The following PHACTR1 variants were observed in gnomAD, a reference collection of about 807,000 sequenced individuals.
PHACTR1 encodes the protein RPEL repeat containing 1.
PHACTR1 carries 16 observed loss-of-function variants against 69.2 expected under a neutral mutation model. The ratio of observed to expected loss-of-function variants is 0.23; its 90% CI spans 0.16 to 0.35. PHACTR1 has a LOEUF of 0.35. Among genes scored for constraint, PHACTR1 ranks in the 10% least tolerant of loss-of-function variants. The pLI is 1.00. For synonymous variants in PHACTR1, 312 were observed against 284.5 expected, an observed-to-expected ratio of 1.10 and a Z score of -0.97; for missense variants, 510 against 734.7, an observed-to-expected ratio of 0.69 and a Z score of 3.54.
intron 4 of PHACTR1, among the ~76,000 whole-genome samples, chr6:12,892,455 A>G (rs1157086247): frequency 6.6e-6 from 1 of 152,218 alleles, no homozygotes; most frequent in Non-Finnish European, 1.5e-5. Flanking sequence ...AAGTGATGAA[A>G]CATACGCTCC....
At chr6:12,755,237 G>A (rs1767176255) in intron 4 of PHACTR1, among the ~76,000 whole-genome samples, 1 of 152,098 alleles carries the variant, frequency 6.6e-6, no homozygotes, top group African/African-American at 2.4e-5. Context: ...AAATCCCACA[G>A]AGGCGTGTTT....
At position 13,206,270 on chromosome 6, in the gene PHACTR1, T is replaced by C. The variant is rs12662349; in HGVS notation, c.986+134T>C. The C allele has an allele frequency of 3.0e-4, 304 of 1,000,928 alleles. 1 individual carries two copies. In the East Asian group the frequency reaches 8.0e-3, roughly 26 times the overall value. The allele number at this position is 1,000,928 out of a possible 1,614,324, so 62.0% of individuals were successfully genotyped here. A position where few individuals can be genotyped will look rare whatever the true frequency, so the allele number is the denominator to read the frequency against. On this transcript the variant is annotated intron_variant, in intron 8 of 14. Coordinates refer to ENST00000332995, the MANE Select transcript of PHACTR1 (RefSeq NM_030948.6). ...TGGGGGAAAATGTTTGAAAGTAAAA[T>C]GAGACAAAAAACTGAAGGTCAAAGC...
At chr6:12,733,174 A>G (rs1184163910) in intron 3 of PHACTR1, among the ~76,000 whole-genome samples, 1 of 152,022 alleles carries the variant, frequency 6.6e-6, no homozygotes, top group Non-Finnish European at 1.5e-5. Context: ...TTCATTTAAC[A>G]GGATATTTGT....
chr6:13,177,342 T>C (rs1005671092), intron 6 of PHACTR1, among the ~76,000 whole-genome samples: 3 of 150,390 alleles, frequency 2.0e-5, no homozygotes, highest in Non-Finnish European at 4.4e-5. Context: ...ACTCTCTGTC[T>C]GTCTGTCTGT....
chr6:13,004,469 T>G (rs1217033482), intron 4 of PHACTR1, among the ~76,000 whole-genome samples: 1 of 152,196 alleles, frequency 6.6e-6, no homozygotes, highest in Non-Finnish European at 1.5e-5. Context: ...TTTAATGGGC[T>G]TATTTGTATT....
At chr6:12,966,030 A>ATT (rs1793443693) in intron 4 of PHACTR1, among the ~76,000 whole-genome samples, 1 of 152,144 alleles carries the variant, frequency 6.6e-6, no homozygotes, top group African/African-American at 2.4e-5. Flanking sequence ...AGTATAAATG[A>ATT]TTGAGGGAGT....
intron 8 of PHACTR1, among the ~76,000 whole-genome samples, chr6:13,219,693 A>G (rs1015975058): frequency 3.3e-5 from 5 of 152,150 alleles, no homozygotes; most frequent in Non-Finnish European, 4.4e-5. Context: ...GTGTTCCATA[A>G]TAGCGCTCAT....
rs115635223 is a variant in PHACTR1 at position 12,839,368 on chromosome 6, A to G, written c.250+89578A>G. On this transcript the variant is annotated intron_variant, in intron 4 of 14. Transcript: ENST00000332995. ...CCACCCAGGCATCAAGCAAGCTATCATTCCTTCCCTTCAAGTCAGTCAGCA... is the reference window on the plus strand; with the variant it reads ...CCACCCAGGCATCAAGCAAGCTATCGTTCCTTCCCTTCAAGTCAGTCAGCA... Among the ~76,000 whole-genome samples, 1,064 of 152,220 alleles carry G rather than the reference A, an allele frequency of 7.0e-3. 17 individuals carry two copies. The highest frequency in any genetic ancestry group is 0.024 in the African/African-American group (1,014 of 41,516).
chr6:12,852,599 A>G (rs1779943325), intron 4 of PHACTR1, among the ~76,000 whole-genome samples: 1 of 152,110 alleles, frequency 6.6e-6, no homozygotes, highest in Non-Finnish European at 1.5e-5. Context: ...ATTTACTGAT[A>G]TATTTCTAGG....
chr6:12,854,990 A>C (rs1268436523), intron 4 of PHACTR1, among the ~76,000 whole-genome samples: 1 of 152,224 alleles, frequency 6.6e-6, no homozygotes, highest in Non-Finnish European at 1.5e-5. Context: ...TTCTCAAACA[A>C]CTAAAAATAC....
intron 4 of PHACTR1, among the ~76,000 whole-genome samples, chr6:12,891,815 C>A (rs924918578): frequency 6.6e-6 from 1 of 152,136 alleles, no homozygotes; most frequent in African/African-American, 2.4e-5. Context: ...GAGATCAAAC[C>A]AGCCTTGAAT....
chr6:12,873,455 T>TTA (rs1243263388), intron 4 of PHACTR1, among the ~76,000 whole-genome samples: 8 of 151,804 alleles, frequency 5.3e-5, no homozygotes, highest in Admixed American at 1.3e-4. Context: ...CTCAAGGACA[T>TTA]TATAGTGGGA....
intron 5 of PHACTR1, among the ~76,000 whole-genome samples, chr6:13,074,355 A>G (rs1810065748): frequency 6.6e-6 from 1 of 152,232 alleles, no homozygotes; most frequent in Non-Finnish European, 1.5e-5. Flanking sequence ...TAAGAAATCG[A>G]TAACGACACT....
intron 4 of PHACTR1, among the ~76,000 whole-genome samples, chr6:13,029,965 G>C (rs1802225336): frequency 6.6e-6 from 1 of 152,224 alleles, no homozygotes; most frequent in Non-Finnish European, 1.5e-5. Context: ...GACCTTCTCA[G>C]ACTAAGCCTC....
chr6:12,961,985 G>T (rs1490339295), intron 4 of PHACTR1, among the ~76,000 whole-genome samples: 1 of 152,180 alleles, frequency 6.6e-6, no homozygotes, highest in African/African-American at 2.4e-5. Flanking sequence ...TTTGGGTGCA[G>T]TGGTGTGATC....
At chr6:12,976,307 C>T (rs747699061) in intron 4 of PHACTR1, among the ~76,000 whole-genome samples, 3 of 152,136 alleles carry the variant, frequency 2.0e-5, no homozygotes, top group East Asian at 1.9e-4. Context: ...ACAGGTAAAA[C>T]GTGAGTCTTT....
intron 5 of PHACTR1, among the ~76,000 whole-genome samples, chr6:13,074,076 T>G (rs2127780519): frequency 6.6e-6 from 1 of 152,248 alleles, no homozygotes; most frequent in South Asian, 2.1e-4. Flanking sequence ...TTTCACCATG[T>G]TGGTCAGGCT....
intron 4 of PHACTR1, among the ~76,000 whole-genome samples, chr6:12,808,411 C>T (rs563267942): frequency 6.6e-6 from 1 of 152,162 alleles, no homozygotes; most frequent in Admixed American, 6.5e-5. Context: ...ACAAATCCAC[C>T]CATAAAAATT....
rs1035289123 is a variant in PHACTR1 at position 13,273,167 on chromosome 6, G to A, written c.1447+252G>A. 1.3e-5 allele frequency: 6 copies of A among 475,064 alleles called. No homozygotes were observed. The Admixed American group carries it at 2.3e-4, about 18-fold the overall frequency. The allele number at this position is 475,064 out of a possible 1,614,324, so 29.4% of individuals were successfully genotyped here. ...AACCTTCCTTTTAGTGAGTTGTAAAGTCAGAGAGAAGCTGAAAAATTAGAG... is the reference window on the plus strand; with the variant it reads ...AACCTTCCTTTTAGTGAGTTGTAAAATCAGAGAGAAGCTGAAAAATTAGAG... On this transcript the variant is annotated intron_variant, in intron 11 of 14. Transcript: ENST00000332995.
Sources: gnomAD v4.1 joint callset for allele counts (sites outside exome capture counted in the v4.1 genomes callset) on GRCh38, gnomAD v4.1.1 for gene constraint, MANE v1.5 for transcripts, NCBI Gene and HGNC (gene_info 2026-07-23, HGNC 2026-07-21) for gene names.